ZNF600: variants seen among roughly 807,000 people sequenced by gnomAD.
ZNF600 encodes zinc finger protein KR-ZNF1.
A neutral mutation model predicts 7.3 loss-of-function variants in ZNF600; 4 were observed. That is an observed-to-expected ratio of 0.55 (90% confidence interval 0.27 to 1.25). The LOEUF (loss-of-function observed/expected upper bound fraction) is 1.25, where lower values mean the gene tolerates loss of function less well. Among genes scored for constraint, ZNF600 ranks in the 50% most tolerant of loss-of-function variants. The pLI is 0.12. For synonymous variants in ZNF600, 290 were observed against 308.9 expected (o/e 0.94, Z 0.64); for missense variants, 911 against 922.1 (o/e 0.99, Z 0.16).
chr19:52,777,849 T>G (rs868320443), intron 2 of ZNF600, among the ~76,000 whole-genome samples: 18 of 152,050 alleles, frequency 1.2e-4, no homozygotes, highest in South Asian at 8.3e-4. Context: ...AATAAATAGA[T>G]AGAGAGATAC....
At chr19:52,800,939 T>G in the ZNF600 span, 1 of 1,614,188 alleles carries the variant, frequency 6.2e-7, no homozygotes, top group Non-Finnish European at 8.5e-7. Flanking sequence ...TGTCACATTC[T>G]TCACATTCAT....
chr19:52,802,483 G>A, the ZNF600 span, among the ~76,000 whole-genome samples: 12 of 152,128 alleles, frequency 7.9e-5, no homozygotes, highest in African/African-American at 2.9e-4. Flanking sequence ...AGTTTGACCA[G>A]CCTGGCCAAT....
At chr19:52,776,859 G>A (rs1188626765) in intron 2 of ZNF600, among the ~76,000 whole-genome samples, 1 of 152,010 alleles carries the variant, frequency 6.6e-6, no homozygotes, top group Admixed American at 6.6e-5. Context: ...TTACCCACGT[G>A]GTGGCCCACC....
chr19:52,794,992 A>G, the ZNF600 span, among the ~76,000 whole-genome samples: 1 of 152,228 alleles, frequency 6.6e-6, no homozygotes, highest in Non-Finnish European at 1.5e-5. Context: ...TACGTTCAAA[A>G]TAAACACAAT....
Position 52,767,632 on chromosome 19 carries a change from G to T in ZNF600, c.331C>A (p.His111Asn). The T allele has an allele frequency of 6.2e-7, 1 of 1,613,986 alleles. No homozygotes were observed. The highest frequency in any genetic ancestry group is 8.5e-7 in the Non-Finnish European group (1 of 1,179,990). The change falls in exon 4 of 4, where the codon CAT becomes AAT. Residue 111 changes from histidine to asparagine, a missense_variant. His to Asn is a moderately conservative substitution (Grantham distance 68, BLOSUM62 1). Transcript: ENST00000648973. ...TCTTGACACTGAAACTCAATATCAT[G>T]AATTTCTTTCTCAATTTCCTGGAAG...
the ZNF600 span, among the ~76,000 whole-genome samples, chr19:52,817,708 T>G: frequency 1.3e-5 from 2 of 152,152 alleles, no homozygotes; most frequent in Admixed American, 1.3e-4. Context: ...TCTCCATCCA[T>G]GTCTGGGTGT....
chr19:52,768,439 CA>C (rs34209404), intron 3 of ZNF600, among the ~76,000 whole-genome samples: 6,177 of 66,922 alleles, frequency 0.092, 343 homozygotes, highest in African/African-American at 0.25. Context: ...GACTCCACCT[CA>C]AAAAAAAAAA....
At chr19:52,811,677 G>C in the ZNF600 span, among the ~76,000 whole-genome samples, 1 of 148,210 alleles carries the variant, frequency 6.7e-6, no homozygotes, top group Admixed American at 6.6e-5. Context: ...TCTGAGAAGT[G>C]AGGAGCCCCT....
the ZNF600 span, among the ~76,000 whole-genome samples, chr19:52,807,512 C>T: frequency 2.0e-5 from 3 of 152,162 alleles, no homozygotes; most frequent in South Asian, 4.1e-4. Flanking sequence ...CTTGCTCTGT[C>T]GTCCGGGCTG....
intron 2 of ZNF600, among the ~76,000 whole-genome samples, chr19:52,775,261 C>T (rs1428736103): frequency 6.7e-6 from 1 of 150,296 alleles, no homozygotes. Context: ...CAAAACAAAA[C>T]AAAAAAACAA....
the ZNF600 span, chr19:52,797,649 TA>T: frequency 6.4e-6 from 1 of 155,072 alleles, no homozygotes. Context: ...AATAAACATA[TA>T]AAGGTGAGAA....
the ZNF600 span, among the ~76,000 whole-genome samples, chr19:52,832,789 T>G: frequency 6.6e-6 from 1 of 152,040 alleles, no homozygotes; most frequent in Non-Finnish European, 1.5e-5. Flanking sequence ...TTTTTTCTTT[T>G]GAGATGGAGT....
At chr19:52,798,442 T>C in the ZNF600 span, 1 of 433,980 alleles carries the variant, frequency 2.3e-6, no homozygotes, top group South Asian at 1.8e-5. Context: ...TTGAAACAAC[T>C]GTCTCCAAAA....
chr19:52,809,266 A>G, the ZNF600 span, among the ~76,000 whole-genome samples: 1 of 152,204 alleles, frequency 6.6e-6, no homozygotes, highest in Non-Finnish European at 1.5e-5. Context: ...GGACGTGCAC[A>G]GAGGCAGCCA....
upstream of ZNF600, chr19:52,786,830 G>A: frequency 3.2e-6 from 1 of 308,866 alleles, no homozygotes; most frequent in Non-Finnish European, 6.9e-6. Flanking sequence ...CCTGGGCGGG[G>A]TAGAGGCGGG....
the ZNF600 span, chr19:52,800,191 TGTACG>T: frequency 6.2e-7 from 1 of 1,613,376 alleles, no homozygotes; most frequent in African/African-American, 1.3e-5. Context: ...TCTTCACATT[TGTACG>T]GTTTCTCTGC....
upstream of ZNF600, among the ~76,000 whole-genome samples, chr19:52,790,411 C>T (rs2062788202): frequency 6.6e-6 from 1 of 152,240 alleles, no homozygotes; most frequent in Non-Finnish European, 1.5e-5. Flanking sequence ...GCAGAAGAAT[C>T]GCTTGAACCC....
chr19:52,807,439 G>C, the ZNF600 span, among the ~76,000 whole-genome samples: 2 of 152,106 alleles, frequency 1.3e-5, no homozygotes, highest in Non-Finnish European at 2.9e-5. Context: ...AGCAAACAGG[G>C]AACTGGATAT....
At chr19:52,773,618 T>C (rs2062648467) in intron 3 of ZNF600, among the ~76,000 whole-genome samples, 1 of 152,056 alleles carries the variant, frequency 6.6e-6, no homozygotes, top group African/African-American at 2.4e-5. Context: ...ACGTCTGTAA[T>C]CTCAGCTCAT....
Sources: allele counts gnomAD v4.1 joint callset (sites outside exome capture counted in the v4.1 genomes callset), GRCh38; gene constraint gnomAD v4.1.1; transcripts MANE v1.5; gene names NCBI Gene and HGNC (gene_info 2026-07-23, HGNC 2026-07-21).